MARK1: variants seen among roughly 807,000 people sequenced by gnomAD.
MARK1 encodes microtubule affinity regulating kinase 1.
In MARK1, 40 loss-of-function variants were observed where a neutral mutation model predicts 96.3. That is an observed-to-expected ratio of 0.42 (90% CI 0.32 to 0.54). MARK1 has a LOEUF of 0.54. Ranked by LOEUF, MARK1 falls within the 20% of genes least tolerant of loss-of-function variation. The pLI is 0.16. For missense variants in MARK1, 719 were observed against 984.6 expected, an observed-to-expected ratio of 0.73 and a Z score of 3.61; for synonymous variants, 317 against 341.2, an observed-to-expected ratio of 0.93 and a Z score of 0.78.
intron 9 of MARK1, among the ~76,000 whole-genome samples, chr1:220,620,762 C>G (rs894960425): frequency 6.6e-6 from 1 of 152,022 alleles, no homozygotes; most frequent in African/African-American, 2.4e-5. Flanking sequence ...ACTTTCTGTT[C>G]CAGCTTACCA....
chr1:220,616,091 GT>G lies in MARK1; in HGVS notation c.552+97del, dbSNP rs1347543438. ...GAGCTGTCTATTTTATTGCCTAACT[GT>G]GCTGCTGGACACTATACAAGTAGTT... On this transcript the variant is annotated intron_variant, in intron 7 of 17. Transcript: ENST00000366917. 5.0e-6 allele frequency: 3 copies of G among 602,282 alleles called. No individual in the cohort carries two copies. In the Admixed American group the frequency reaches 8.7e-5, roughly 17 times the overall value. The allele number at this position is 602,282 out of a possible 1,614,324, so 37.3% of individuals were successfully genotyped here.
At position 220,652,009 on chromosome 1, in the gene MARK1, G is replaced by A; in HGVS notation, c.1595G>A (p.Ser532Asn). 6.2e-7 allele frequency: 1 copy of A among 1,607,798 alleles called. No homozygotes were observed. Among genetic ancestry groups the A allele is most frequent in the South Asian group, 1.1e-5 (1 of 90,570 alleles). The change falls in exon 15 of 18, where the codon AGC becomes AAC. Residue 532 changes from serine (S) to asparagine (N), a missense_variant. Coordinates refer to ENST00000366917, the MANE Select transcript of MARK1 (RefSeq NM_018650.5). ...DSSLTEMSVS[S>N]ISSAGSSVAS... The stretch of plus-strand genomic sequence containing the variant: ...AGCCTTACGGAGATGTCTGTGAGTA[G>A]CATATCTTCTGCAGGCTCTTCTGTG...
intron 6 of MARK1, among the ~76,000 whole-genome samples, chr1:220,611,554 G>A (rs567758968): frequency 5.3e-5 from 8 of 152,100 alleles, no homozygotes; most frequent in African/African-American, 1.2e-4. Flanking sequence ...CTCGCCCTCC[G>A]TGGGCTGCAC....
intron 11 of MARK1, among the ~76,000 whole-genome samples, chr1:220,633,339 C>T (rs904440264): frequency 6.6e-6 from 1 of 151,446 alleles, no homozygotes; most frequent in African/African-American, 2.4e-5. Context: ...AAGAACAGAT[C>T]GCAGAGCATT....
chr1:220,628,229 C>T lies in MARK1; in HGVS notation c.910-2806C>T, dbSNP rs187037448. ...AACTGAACCTTATCTCTATCGACTCCTTTTCCTCAGCTTTTATACATACGT... is the reference window on the plus strand; with the variant it reads ...AACTGAACCTTATCTCTATCGACTCTTTTTCCTCAGCTTTTATACATACGT... On this transcript the variant is annotated intron_variant, in intron 9 of 17. Coordinates refer to ENST00000366917, the MANE Select transcript of MARK1 (RefSeq NM_018650.5). Among the ~76,000 whole-genome samples the T allele has an allele frequency of 3.9e-5, 6 of 152,254 alleles. No homozygotes were observed. The East Asian group carries it at 9.7e-4, about 25-fold the overall frequency.
chr1:220,531,054 A>G (rs77714176), intron 1 of MARK1, among the ~76,000 whole-genome samples: 2,360 of 152,304 alleles, frequency 0.015, 33 homozygotes, highest in Middle Eastern at 0.044. Flanking sequence ...AATGTATGGT[A>G]GAAGACATTG....
At chr1:220,541,920 T>C (rs1558246024) in intron 1 of MARK1, among the ~76,000 whole-genome samples, 1 of 152,222 alleles carries the variant, frequency 6.6e-6, no homozygotes, top group Non-Finnish European at 1.5e-5. Flanking sequence ...TATTGCCATT[T>C]TGTTAACTAT....
intron 3 of MARK1, among the ~76,000 whole-genome samples, chr1:220,588,028 G>A (rs1313382016): frequency 6.6e-6 from 1 of 152,080 alleles, no homozygotes; most frequent in Non-Finnish European, 1.5e-5. Context: ...ATTTACTGTT[G>A]CTCCACATTC....
At chr1:220,606,585 C>T (rs1036467115) in intron 6 of MARK1, among the ~76,000 whole-genome samples, 1 of 152,152 alleles carries the variant, frequency 6.6e-6, no homozygotes, top group Non-Finnish European at 1.5e-5. Context: ...GTGTTTTAGT[C>T]ATGAAGTCCT....
At chr1:220,575,957 G>A (rs1401881339) in intron 1 of MARK1, among the ~76,000 whole-genome samples, 2 of 45,614 alleles carry the variant, frequency 4.4e-5, no homozygotes, top group Non-Finnish European at 9.3e-5. Flanking sequence ...ACAATGAAGG[G>A]TTTCTCCTTA....
At chr1:220,599,776 TA>T (rs746759963) in intron 4 of MARK1, 21 bp from the exon 5 acceptor site, 1 of 1,387,530 alleles carries the variant, frequency 7.2e-7, no homozygotes, top group East Asian at 2.3e-5. Flanking sequence ...GTTATAGAGT[TA>T]TATCTCTAAT....
intron 16 of MARK1, among the ~76,000 whole-genome samples, chr1:220,655,878 C>T (rs999616908): frequency 6.6e-6 from 1 of 152,138 alleles, no homozygotes; most frequent in Non-Finnish European, 1.5e-5. Flanking sequence ...CTGACCTCTT[C>T]TCCCACTCTT....
chr1:220,580,198 TCAGGCCCAATGCA>T, intron 2 of MARK1, among the ~76,000 whole-genome samples: 1 of 152,078 alleles, frequency 6.6e-6, no homozygotes, highest in South Asian at 2.1e-4. Flanking sequence ...AAAATCTCAA[TCAGGCCCAATGCA>T]GTGGCTCATG....
chr1:220,581,151 TGA>T (rs1558274186), intron 3 of MARK1, 33 bp downstream of exon 3: 1 of 800,212 alleles, frequency 1.2e-6, no homozygotes, highest in South Asian at 3.6e-5. Context: ...AATTAAAATG[TGA>T]GTTTATCATT....
At chr1:220,546,028 C>A (rs965267876) in intron 1 of MARK1, among the ~76,000 whole-genome samples, 1 of 152,166 alleles carries the variant, frequency 6.6e-6, no homozygotes, top group South Asian at 2.1e-4. Context: ...CTTCACCCCC[C>A]ATCTTTGATG....
intron 1 of MARK1, among the ~76,000 whole-genome samples, chr1:220,544,462 C>T (rs750080912): frequency 2.0e-5 from 3 of 152,180 alleles, no homozygotes; most frequent in Non-Finnish European, 2.9e-5. Context: ...CACTTGCTTA[C>T]CCTTCTGCCC....
chr1:220,638,959 A>T lies in MARK1; in HGVS notation c.1470+2933A>T, dbSNP rs760124736. 1.1e-3 allele frequency among the ~76,000 whole-genome samples: 168 copies of T among 152,332 alleles called. 2 individuals carry two copies. The highest frequency in any genetic ancestry group is 1.9e-3 in the Non-Finnish European group (126 of 68,028). Reference sequence around the variant, plus strand: ...TAGGTTTTCCTTCATTAAAGAAAACATAGGCTGGGTGCAGTGGCTCATGAC... The same window carrying T: ...TAGGTTTTCCTTCATTAAAGAAAACTTAGGCTGGGTGCAGTGGCTCATGAC... On this transcript the variant is annotated intron_variant, in intron 13 of 17. Transcript: ENST00000366917.
intron 3 of MARK1, among the ~76,000 whole-genome samples, chr1:220,592,264 TA>T (rs1665046428): frequency 6.7e-6 from 1 of 148,382 alleles, no homozygotes; most frequent in Non-Finnish European, 1.5e-5. Flanking sequence ...TATATTATAT[TA>T]TATTATACTA....
At chr1:220,587,514 G>A (rs553577271) in intron 3 of MARK1, among the ~76,000 whole-genome samples, 14 of 151,898 alleles carry the variant, frequency 9.2e-5, no homozygotes, top group African/African-American at 3.1e-4. Flanking sequence ...GATTACAGGT[G>A]CCCGCCACCA....
Sources: allele counts gnomAD v4.1 joint callset (sites outside exome capture counted in the v4.1 genomes callset), GRCh38; gene constraint gnomAD v4.1.1; transcripts MANE v1.5; gene names NCBI Gene and HGNC (gene_info 2026-07-23, HGNC 2026-07-21).